AMZ1: variants seen among roughly 807,000 people sequenced by gnomAD.
AMZ1 encodes the protein archaemetzincin-1.
Under a neutral mutation model 29.9 loss-of-function variants are expected in AMZ1, and 39 were observed. The ratio of observed to expected loss-of-function variants is 1.30; its 90% CI spans 1.01 to 1.70. The LOEUF (loss-of-function observed/expected upper bound fraction) is 1.70. AMZ1 is among the 40% of genes most tolerant of loss of function. The probability of loss-of-function intolerance (pLI) is 0.00; values close to 1 mark genes in which losing one functional copy is unlikely to be tolerated. For missense variants in AMZ1, 1,041 were observed against 680.6 expected (o/e 1.53, Z -5.89); for synonymous variants, 458 against 304.0 (o/e 1.51, Z -5.27).
chr7:2,762,629 T>C (rs1413740098), upstream of AMZ1: 2 of 1,574,732 alleles, frequency 1.3e-6, no homozygotes, highest in Non-Finnish European at 1.7e-6. Flanking sequence ...AAGACCCCAA[T>C]GCCATGAAGC....
intron 4 of AMZ1, among the ~76,000 whole-genome samples, chr7:2,753,456 T>C (rs960848991): frequency 1.3e-5 from 2 of 152,190 alleles, no homozygotes; most frequent in African/African-American, 2.4e-5. Context: ...CCTTTGGAAG[T>C]TGGCTTTTTT....
Position 2,731,795 on chromosome 7 carries a change from G to A in AMZ1, n.550+21979G>A, listed in dbSNP as rs41305918. ...GCAGAAATTTAGGGGGAGGAAGAAA[G>A]AACAGAGAAAATAGAAACAAAAAGA... is the stretch of plus-strand genomic sequence containing the variant. On this transcript the variant is annotated intron_variant and non_coding_transcript_variant, in intron 4 of 4. Coordinates refer to the AMZ1 transcript ENST00000489665. The surrounding 1 kb of genome is among the most constrained non-coding windows in gnomAD (Gnocchi z 6.0). The A allele has an allele frequency of 4.9e-6, 5 of 1,013,358 alleles. No homozygotes were observed. In the African/African-American group the frequency reaches 6.4e-5, roughly 13 times the overall value. 62.8% of individuals were successfully genotyped at this position (1,013,358 alleles called of 1,614,324 possible). A position where few individuals can be genotyped will look rare whatever the true frequency, so the allele number is the denominator to read the frequency against.
intron 1 of AMZ1, among the ~76,000 whole-genome samples, chr7:2,681,922 C>T (rs1778703543): frequency 4.3e-5 from 1 of 23,430 alleles, no homozygotes; most frequent in South Asian, 2.4e-3. Context: ...CCCTCCCTCC[C>T]AGTCCCCCAG....
In AMZ1 at chr7:2,714,327, G is replaced by A. The variant is rs1331457621; in HGVS notation, c.*1449G>A. 3 of 152,424 alleles carry A rather than the reference G, an allele frequency of 2.0e-5. No homozygotes were observed. The highest frequency in any genetic ancestry group is 7.2e-5 in the African/African-American group (3 of 41,460). 9.4% of individuals were successfully genotyped at this position (152,424 alleles called of 1,614,324 possible). A position where few individuals can be genotyped will look rare whatever the true frequency, so the allele number is the denominator to read the frequency against. Reference sequence around the variant, plus strand: ...ACTAGAAGGGCTATGCAGGTGAGGTGGGCTGAGGCTTCCTTGTGAATCTGA... The same window carrying A: ...ACTAGAAGGGCTATGCAGGTGAGGTAGGCTGAGGCTTCCTTGTGAATCTGA... On this transcript the variant is annotated 3_prime_UTR_variant, in exon 7 of 7. Coordinates refer to ENST00000683327, the MANE Select transcript of AMZ1 (RefSeq NM_001384743.1).
chr7:2,709,819 G>A lies in AMZ1; in HGVS notation c.948+3G>A. 6.2e-7 allele frequency: 1 copy of A among 1,611,484 alleles called. No homozygotes were observed. Among genetic ancestry groups the A allele is most frequent in the East Asian group, 2.2e-5 (1 of 44,852 alleles). Reference sequence around the variant, plus strand: ...TCAGGCTCATCGAGAGGTACCAGGTGAGTGGCTGAGTTGCGCTGCCCGGCT... The same window carrying A: ...TCAGGCTCATCGAGAGGTACCAGGTAAGTGGCTGAGTTGCGCTGCCCGGCT... On this transcript the variant is annotated splice_donor_region_variant and intron_variant, in intron 6 of 6. Coordinates refer to ENST00000683327, the MANE Select transcript of AMZ1 (RefSeq NM_001384743.1).
intron 3 of AMZ1, among the ~76,000 whole-genome samples, chr7:2,703,981 C>T (rs367641689): frequency 6.6e-5 from 10 of 152,210 alleles, no homozygotes; most frequent in East Asian, 3.9e-4. Flanking sequence ...CTCTGCCTCC[C>T]GGGTTCACAC....
chr7:2,721,883 C>T (rs536674365), downstream of AMZ1, among the ~76,000 whole-genome samples: 1 of 152,290 alleles, frequency 6.6e-6, no homozygotes, highest in Non-Finnish European at 1.5e-5. Flanking sequence ...GTTAAACTAA[C>T]CACCGTGGCT....
rs957889851 is a variant in AMZ1 at position 2,754,375 on chromosome 7, A to T, written n.551-10337A>T. On this transcript the variant is annotated intron_variant and non_coding_transcript_variant, in intron 4 of 4. Coordinates refer to the AMZ1 transcript ENST00000489665. Reference sequence around the variant, plus strand: ...TTTTGAGAGTTCTGTTTTCTAGATAATGAGTCCTTTGTCGGATATGTAGTC... The same window carrying T: ...TTTTGAGAGTTCTGTTTTCTAGATATTGAGTCCTTTGTCGGATATGTAGTC... Among the ~76,000 whole-genome samples, 4 of 152,066 alleles carry T rather than the reference A, an allele frequency of 2.6e-5. No individual in the cohort carries two copies. In the South Asian group the frequency reaches 8.3e-4, roughly 32 times the overall value.
chr7:2,692,132 G>A (rs970294972), intron 1 of AMZ1, among the ~76,000 whole-genome samples: 2 of 152,146 alleles, frequency 1.3e-5, no homozygotes, highest in Admixed American at 6.5e-5. Context: ...CTGTGGCGTC[G>A]GGTGCTCCGA....
intron 4 of AMZ1, among the ~76,000 whole-genome samples, chr7:2,753,652 T>C (rs1374101528): frequency 1.3e-5 from 2 of 152,236 alleles, no homozygotes; most frequent in Non-Finnish European, 2.9e-5. Context: ...TGAACATTCA[T>C]GTACAGGTGT....
chr7:2,726,267 G>A (rs530008353), intron 4 of AMZ1, among the ~76,000 whole-genome samples: 2 of 152,144 alleles, frequency 1.3e-5, no homozygotes, highest in Non-Finnish European at 1.5e-5. Context: ...CAGGTTGCTG[G>A]CCACAGTGAG....
In AMZ1 at chr7:2,731,761, C is replaced by T. The variant is rs9655213; in HGVS notation, n.550+21945C>T. The stretch of plus-strand genomic sequence containing the variant: ...ACTAGGAAAGTAATTCTGTAAAATA[C>T]AGGATGAGGCAGAAATTTAGGGGGA... On this transcript the variant is annotated intron_variant and non_coding_transcript_variant, in intron 4 of 4. Coordinates refer to the AMZ1 transcript ENST00000489665. The surrounding 1 kb of genome is among the most constrained non-coding windows in gnomAD (Gnocchi z 6.0). 4.7e-4 allele frequency: 646 copies of T among 1,372,060 alleles called. 2 individuals carry two copies. The African/African-American group carries it at 6.9e-3, about 15-fold the overall frequency. 85.0% of individuals were successfully genotyped at this position (1,372,060 alleles called of 1,614,324 possible). A position where few individuals can be genotyped will look rare whatever the true frequency, so the allele number is the denominator to read the frequency against.
In AMZ1 at chr7:2,740,880, T is replaced by C. The variant is rs576234629; in HGVS notation, n.551-23832T>C. On this transcript the variant is annotated intron_variant and non_coding_transcript_variant, in intron 4 of 4. Coordinates refer to the AMZ1 transcript ENST00000489665. Reference sequence around the variant, plus strand: ...TAGCATGGTGAAACCCTGCCTCTACTAAAAATACAAAAAAATTAGTCGGGC... The same window carrying C: ...TAGCATGGTGAAACCCTGCCTCTACCAAAAATACAAAAAAATTAGTCGGGC... 2.0e-5 allele frequency among the ~76,000 whole-genome samples: 3 copies of C among 152,118 alleles called. No homozygotes were observed. In the South Asian group the frequency reaches 6.2e-4, roughly 32 times the overall value.
chr7:2,759,184 T>TAAAA (rs965007927), intron 4 of AMZ1, among the ~76,000 whole-genome samples: 6 of 141,998 alleles, frequency 4.2e-5, no homozygotes, highest in Admixed American at 2.8e-4. Context: ...AATAAATAAA[T>TAAAA]AAATAAAATA....
chr7:2,709,856 C>G (rs377090538), intron 6 of AMZ1, 40 bp downstream of exon 6: 5 of 1,601,922 alleles, frequency 3.1e-6, no homozygotes, highest in Admixed American at 3.4e-5. Context: ...CTGGGACCTG[C>G]GCTCCGGAGG....
chr7:2,694,857 G>C (rs1472377797), intron 1 of AMZ1, among the ~76,000 whole-genome samples: 1 of 152,040 alleles, frequency 6.6e-6, no homozygotes, highest in Non-Finnish European at 1.5e-5. Flanking sequence ...ACTTTTAGTA[G>C]AGACAGGGTT....
At chr7:2,708,537 TG>T (rs146324170) in intron 3 of AMZ1, 50 bp from the exon 4 acceptor site, 1 of 1,605,382 alleles carries the variant, frequency 6.2e-7, no homozygotes, top group Non-Finnish European at 8.5e-7. Context: ...GCCTGGAAGA[TG>T]GGGGTCCCCG....
At chr7:2,705,646 G>A (rs1301004574) in intron 3 of AMZ1, among the ~76,000 whole-genome samples, 1 of 152,212 alleles carries the variant, frequency 6.6e-6, no homozygotes, top group Non-Finnish European at 1.5e-5. Flanking sequence ...CTGTTACAGG[G>A]AGCAGCCACT....
intron 4 of AMZ1, among the ~76,000 whole-genome samples, chr7:2,747,478 T>G (rs1396496422): frequency 6.6e-6 from 1 of 152,192 alleles, no homozygotes; most frequent in Admixed American, 6.5e-5. Flanking sequence ...ACAACCTTCA[T>G]GCTAAAAACT....
Sources: gnomAD v4.1 joint callset for allele counts (sites outside exome capture counted in the v4.1 genomes callset) on GRCh38, gnomAD v4.1.1 for gene constraint, Gnocchi (gnomAD v3.1) non-coding constraint, MANE v1.5 for transcripts, NCBI Gene and HGNC (gene_info 2026-07-23, HGNC 2026-07-21) for gene names.